Variants in SLC10A1 observed in about 807,000 individuals in gnomAD.
SLC10A1 encodes solute carrier family 10 member 1.
Under a neutral mutation model 20.5 loss-of-function variants are expected in SLC10A1, and 36 were observed. The ratio of observed to expected loss-of-function variants is 1.75; its 90% CI spans 1.34 to 2.32. The LOEUF (loss-of-function observed/expected upper bound fraction) is 2.32, where lower values mean the gene tolerates loss of function less well. Ranked by LOEUF, SLC10A1 falls within the 30% of genes most tolerant of loss-of-function variation. The pLI is 0.00. For synonymous variants in SLC10A1, 188 were observed against 163.6 expected (o/e 1.15, Z -1.14); for missense variants, 545 against 439.1 (o/e 1.24, Z -2.16).
rs1209960018 is a variant in SLC10A1, at chr14:69,777,609, A to ATTTTTT, written c.943+723_943+724insAAAAAA. Among the ~76,000 whole-genome samples, 23 of 79,664 alleles carry ATTTTTT rather than the reference A, an allele frequency of 2.9e-4. 2 individuals are homozygous for ATTTTTT. Among genetic ancestry groups the ATTTTTT allele is most frequent in the East Asian group, 6.7e-4 (2 of 2,970 alleles). The allele number at this position is 79,664 out of a possible 152,430, so 52.3% of individuals were successfully genotyped here. ...TTTTTTTTTTTTTTTTTTTTTTAAA[A>ATTTTTT]TTGGTGTTAAAGTGCACTTTGAGGA... On this transcript the variant is annotated intron_variant, in intron 4 of 4. Transcript: ENST00000216540.
In SLC10A1 at chr14:69,775,570, A is replaced by C. The variant is rs1165790408; in HGVS notation, c.*712T>G. ...CGCCTTGTGTTAAAACCAAATACCTACTGAACTTAAAAAAGAGATTATTAG... is the reference window on the plus strand; with the variant it reads ...CGCCTTGTGTTAAAACCAAATACCTCCTGAACTTAAAAAAGAGATTATTAG... On this transcript the variant is annotated 3_prime_UTR_variant, in exon 5 of 5. Transcript: ENST00000216540. 6.6e-6 allele frequency: 1 copy of C among 152,156 alleles called. No homozygotes were observed. The highest frequency in any genetic ancestry group is 1.5e-5 in the Non-Finnish European group (1 of 68,030). The allele number at this position is 152,156 out of a possible 1,614,324, so 9.4% of individuals were successfully genotyped here.
intron 1 of SLC10A1, among the ~76,000 whole-genome samples, chr14:69,787,625 A>G (rs2139718368): frequency 6.6e-6 from 1 of 152,370 alleles, no homozygotes; most frequent in East Asian, 1.9e-4. Context: ...TCATAAGGAT[A>G]AGAGCTGTTA....
rs201078426 is a variant in SLC10A1 at position 69,796,967 on chromosome 14, G to A, written c.189C>T (p.Ile63=). ...AHLWKPKGLA[I]ALVAQYGIMP... is the part of the protein sequence containing the mutation. ...TGATGCCATACTGTGCCACCAGGGC[G>A]ATGGCCAGCCCTTTAGGCTTCCATA... The change falls in exon 1 of 5, where the codon ATC becomes ATT. Residue 63 remains isoleucine (I), a synonymous_variant. Transcript: ENST00000216540. The A allele has an allele frequency of 4.8e-5, 77 of 1,614,242 alleles. No homozygotes were observed. Among genetic ancestry groups the A allele is most frequent in the Middle Eastern group, 1.6e-4 (1 of 6,062 alleles).
intron 4 of SLC10A1, 83 bp downstream of exon 4, chr14:69,778,250 G>A: frequency 1.7e-6 from 2 of 1,209,106 alleles, no homozygotes; most frequent in Non-Finnish European, 2.3e-6. Flanking sequence ...TATCCAAAAA[G>A]TCCCTGCTAG....
At chr14:69,790,831 AGAAAT>A (rs1258310616) in intron 1 of SLC10A1, among the ~76,000 whole-genome samples, 4 of 152,122 alleles carry the variant, frequency 2.6e-5, no homozygotes, top group Admixed American at 2.0e-4. Context: ...TGGGAAAAGA[AGAAAT>A]GAAACTTTCT....
chr14:69,786,382 G>A (rs1883715178), intron 1 of SLC10A1, 75 bp from the exon 2 acceptor site: 3 of 1,181,784 alleles, frequency 2.5e-6, no homozygotes, highest in Non-Finnish European at 3.8e-6. Flanking sequence ...TGCCTGCTAA[G>A]TGCCACTGTG....
chr14:69,776,495 T>G, intron 4 of SLC10A1, 107 bp from the exon 5 acceptor site: 1 of 807,904 alleles, frequency 1.2e-6, no homozygotes, highest in South Asian at 1.7e-5. Flanking sequence ...CCCTAGAGTG[T>G]GCTAAGTATA....
At chr14:69,788,184 C>A (rs1052710912) in intron 1 of SLC10A1, among the ~76,000 whole-genome samples, 1 of 151,700 alleles carries the variant, frequency 6.6e-6, no homozygotes, top group African/African-American at 2.4e-5. Flanking sequence ...AGGTATTAGA[C>A]CTGGGATGGG....
At chr14:69,791,115 C>G (rs1329668792) in intron 1 of SLC10A1, among the ~76,000 whole-genome samples, 1 of 151,674 alleles carries the variant, frequency 6.6e-6, no homozygotes, top group Non-Finnish European at 1.5e-5. Context: ...TAAAAAAGGC[C>G]TAAGTAAAAG....
chr14:69,795,657 C>T (rs1174861545), intron 1 of SLC10A1, among the ~76,000 whole-genome samples: 2 of 152,260 alleles, frequency 1.3e-5, no homozygotes, highest in East Asian at 3.9e-4. Flanking sequence ...AAGTGATCTT[C>T]CTGCCTTGGC....
At chr14:69,778,660 T>G (rs1401003730) in intron 3 of SLC10A1, 131 bp from the exon 4 acceptor site, 1 of 692,960 alleles carries the variant, frequency 1.4e-6, no homozygotes, top group African/African-American at 1.8e-5. Context: ...TTGCTATTGC[T>G]GCTGGTGTTT....
chr14:69,776,227 C>T lies in SLC10A1; in HGVS notation c.*55G>A. The T allele has an allele frequency of 1.5e-6, 2 of 1,343,630 alleles. No homozygotes were observed. The highest frequency in any genetic ancestry group is 2.6e-4 in the Middle Eastern group (1 of 3,890). 83.2% of individuals were successfully genotyped at this position (1,343,630 alleles called of 1,614,324 possible). A position where few individuals can be genotyped will look rare whatever the true frequency, so the allele number is the denominator to read the frequency against. On this transcript the variant is annotated 3_prime_UTR_variant, in exon 5 of 5. Transcript: ENST00000216540. ...GTTTTTGCTGCTCTCTCTAGTTTAC[C>T]ACACTGGCTTTCAGAATTGCTTTGG...
intron 2 of SLC10A1, among the ~76,000 whole-genome samples, chr14:69,783,975 T>C (rs776052432): frequency 1.3e-5 from 2 of 152,116 alleles, no homozygotes; most frequent in Non-Finnish European, 2.9e-5. Context: ...ATATTGAGTT[T>C]TAAATGTCTG....
In SLC10A1 at chr14:69,776,377, TTTTTG is replaced by T. The variant is rs746771881; in HGVS notation, c.950_954del (p.Thr317AsnfsTer9). On this transcript the variant is annotated frameshift_variant, in exon 5 of 5. Transcript: ENST00000216540. LOFTEE classifies it low-confidence loss of function (END_TRUNC). ...TCAGTTGTGGCAGCTGTGTAGATCATTTTTGTTTTATCTGTAAAGTTAAAAAGGGT... is the reference window on the plus strand; with the variant it reads ...TCAGTTGTGGCAGCTGTGTAGATCATTTTTATCTGTAAAGTTAAAAAGGGT... 1 of 1,607,502 alleles carries T rather than the reference TTTTTG, an allele frequency of 6.2e-7. No homozygotes were observed. The highest frequency in any genetic ancestry group is 1.1e-5 in the South Asian group (1 of 90,810).
chr14:69,796,683 C>T (rs1210056490), intron 1 of SLC10A1, 117 bp downstream of exon 1: 2 of 845,000 alleles, frequency 2.4e-6, no homozygotes, highest in Admixed American at 2.6e-5. Flanking sequence ...CTGCCCTAGC[C>T]TCCACCCAGC....
At chr14:69,795,907 G>A (rs1882378750) in intron 1 of SLC10A1, among the ~76,000 whole-genome samples, 1 of 152,160 alleles carries the variant, frequency 6.6e-6, no homozygotes, top group Admixed American at 6.5e-5. Flanking sequence ...CTAAACCAGG[G>A]GGGACTGGCT....
At chr14:69,784,713 T>C (rs1883671984) in intron 2 of SLC10A1, among the ~76,000 whole-genome samples, 1 of 152,074 alleles carries the variant, frequency 6.6e-6, no homozygotes, top group Non-Finnish European at 1.5e-5. Flanking sequence ...TACAGAGATA[T>C]TTTAGAAATG....
At chr14:69,784,519 A>T (rs949746332) in intron 2 of SLC10A1, among the ~76,000 whole-genome samples, 1 of 152,070 alleles carries the variant, frequency 6.6e-6, no homozygotes, top group Non-Finnish European at 1.5e-5. Flanking sequence ...GAAGCGATTG[A>T]CAGAGAGAGA....
intron 1 of SLC10A1, among the ~76,000 whole-genome samples, chr14:69,795,417 T>A (rs80216808): frequency 6.3e-4 from 95 of 149,722 alleles, no homozygotes; most frequent in African/African-American, 2.3e-3. Flanking sequence ...TTTTTTTTTT[T>A]GAGAGAGAGA....
Sources: gnomAD v4.1 joint callset for allele counts (sites outside exome capture counted in the v4.1 genomes callset) on GRCh38, gnomAD v4.1.1 for gene constraint, MANE v1.5 for transcripts, NCBI Gene and HGNC (gene_info 2026-07-23, HGNC 2026-07-21) for gene names.